The following MADD variants were observed in gnomAD, a reference collection of about 807,000 sequenced individuals.
The protein encoded by MADD is MAP kinase-activating death domain protein.
In MADD, 109 loss-of-function variants were observed where a neutral mutation model predicts 176.7. The observed-to-expected ratio is 0.62, with a 90% CI of 0.53 to 0.72. MADD has a LOEUF of 0.72. MADD is among the 30% of genes least tolerant of loss of function. The pLI, the probability that MADD is intolerant of heterozygous loss-of-function variation, is 0.00. For missense variants in MADD, 1,914 were observed against 2,045.5 expected, an observed-to-expected ratio of 0.94 and a Z score of 1.24; for synonymous variants, 771 against 771.3, an observed-to-expected ratio of 1.00 and a Z score of 0.01.
exon 22 of MADD, chr11:47,295,897 G>A: frequency 2.5e-6 from 4 of 1,607,662 alleles, no homozygotes; most frequent in Non-Finnish European, 2.5e-6. Context: ...TCCTTTCCAG[G>A]TGAGTAATAG....
intron 23 of MADD, 50 bp from the exon 26 acceptor site, chr11:47,308,930 C>T: frequency 1.3e-6 from 2 of 1,556,032 alleles, no homozygotes; most frequent in Admixed American, 3.4e-5. Flanking sequence ...TTCTGTCTTC[C>T]TTTCTTTCCT....
At chr11:47,305,473 G>A (rs1366017737) in intron 22 of MADD, among the ~76,000 whole-genome samples, 1 of 152,098 alleles carries the variant, frequency 6.6e-6, no homozygotes, top group Non-Finnish European at 1.5e-5. Flanking sequence ...GGAAGAAGGG[G>A]TGCTCTGGAG....
chr11:47,289,602 A>G (rs2063507002), intron 16 of MADD, 109 bp downstream of exon 17: 1 of 931,660 alleles, frequency 1.1e-6, no homozygotes, highest in Non-Finnish European at 1.7e-6. Flanking sequence ...AATGGGGTAG[A>G]TGTAATCAAT....
chr11:47,286,109 C>A (rs1351002781), intron 14 of MADD, among the ~76,000 whole-genome samples: 1 of 152,166 alleles, frequency 6.6e-6, no homozygotes, highest in Non-Finnish European at 1.5e-5. Context: ...TCTTCAGCAG[C>A]CAGGGAGGGA....
upstream of MADD, chr11:47,269,938 A>G (rs997877490): frequency 1.3e-5 from 2 of 152,028 alleles, no homozygotes; most frequent in African/African-American, 4.8e-5. Context: ...TTGGCACGCG[A>G]CGGCGCTGGG....
chr11:47,280,228 G>A (rs543999812), intron 7 of MADD, among the ~76,000 whole-genome samples: 42 of 152,298 alleles, frequency 2.8e-4, no homozygotes, highest in African/African-American at 9.6e-4. Flanking sequence ...AGGAACACCA[G>A]TAGATAACAC....
At chr11:47,306,667 A>T (rs1312713868) in intron 22 of MADD, among the ~76,000 whole-genome samples, 1 of 151,864 alleles carries the variant, frequency 6.6e-6, no homozygotes, top group Non-Finnish European at 1.5e-5. Flanking sequence ...TGATATTGCC[A>T]TCTGTTCTCT....
chr11:47,296,098 G>T, intron 22 of MADD, 43 bp downstream of exon 24: 1 of 1,595,942 alleles, frequency 6.3e-7, no homozygotes, highest in Non-Finnish European at 8.6e-7. Context: ...TTCTTTAATG[G>T]GGGAGGGAAG....
rs1050872301 is a variant in MADD at position 47,326,513 on chromosome 11, A to G, written c.4543-225A>G. ...TTTGACCATTCAAACTAACGCCTTCATTTCTCTCCCATGCTTTCTCCTCCG... is the reference window on the plus strand; with the variant it reads ...TTTGACCATTCAAACTAACGCCTTCGTTTCTCTCCCATGCTTTCTCCTCCG... On this transcript the variant is annotated intron_variant, in intron 30 of 32. Transcript: ENST00000402192. 12 of 1,360,984 alleles carry G rather than the reference A, an allele frequency of 8.8e-6. No homozygotes were observed. In the Admixed American group the frequency reaches 2.8e-4, roughly 32 times the overall value. The allele number at this position is 1,360,984 out of a possible 1,614,324, so 84.3% of individuals were successfully genotyped here.
At chr11:47,321,521 A>T (rs1043312777) in intron 27 of MADD, among the ~76,000 whole-genome samples, 1 of 152,206 alleles carries the variant, frequency 6.6e-6, no homozygotes, top group Admixed American at 6.5e-5. Context: ...TGCCCTTAGC[A>T]TTGACAAGCT....
exon 3 of MADD, chr11:47,274,686 G>C: frequency 1.2e-6 from 2 of 1,614,226 alleles, no homozygotes; most frequent in Non-Finnish European, 8.5e-7. Context: ...AGGGCTGCCT[G>C]AGCGTGCGGC....
Position 47,279,096 on chromosome 11 carries a change from G to GGAAA in MADD, c.1290+23_1290+26dup. On this transcript the variant is annotated intron_variant, in intron 7 of 32. Coordinates refer to ENST00000402192, the Ensembl canonical transcript of MADD. Reference sequence around the variant, plus strand: ...TTAAAGCAGGTAGGTGAAGAACGAAGGAAAGAAAGGGGAGTATTAGATGCT... The same window carrying GGAAA: ...TTAAAGCAGGTAGGTGAAGAACGAAGGAAAGAAAGAAAGGGGAGTATTAGATGCT... The GGAAA allele has an allele frequency of 6.2e-7, 1 of 1,610,334 alleles. No homozygotes were observed.
intron 15 of MADD, 106 bp downstream of exon 16, chr11:47,289,133 G>T: frequency 8.7e-7 from 1 of 1,152,580 alleles, no homozygotes; most frequent in South Asian, 1.5e-5. Flanking sequence ...TCACATGAGT[G>T]ACCTGCTTGC....
In MADD at chr11:47,309,155, TTG is replaced by T. The variant is rs1028542119; in HGVS notation, c.3752-122_3752-121del. Reference sequence around the variant, plus strand: ...GCATGTTAGATCTGGGGTAGAAAGATTGTGTTTCCTTTGCCCTGGAATTTGTA... The same window carrying T: ...GCATGTTAGATCTGGGGTAGAAAGATTGTTTCCTTTGCCCTGGAATTTGTA... On this transcript the variant is annotated intron_variant, in intron 23 of 32. Coordinates refer to ENST00000402192, the Ensembl canonical transcript of MADD. The T allele has an allele frequency of 6.5e-6, 10 of 1,547,084 alleles. No homozygotes were observed. In the African/African-American group the frequency reaches 1.2e-4, roughly 19 times the overall value.
At chr11:47,309,374 A>G (rs1313176359) in exon 24 of MADD, 1 of 1,614,184 alleles carries the variant, frequency 6.2e-7, no homozygotes, top group Non-Finnish European at 8.5e-7. Context: ...ATGGGTATGG[A>G]CCAGGGTCCC....
chr11:47,274,082 C>T (rs1008245989), intron 2 of MADD, 106 bp downstream of exon 2: 4 of 1,090,610 alleles, frequency 3.7e-6, no homozygotes, highest in Non-Finnish European at 5.5e-6. Context: ...CTCATCTTCT[C>T]CTGTTATTTT....
In MADD at chr11:47,290,476, A is replaced by G. The variant is rs952939914; in HGVS notation, c.3095-134A>G. 6 of 1,259,298 alleles carry G rather than the reference A, an allele frequency of 4.8e-6. No individual in the cohort carries two copies. The African/African-American group carries it at 9.0e-5, about 19-fold the overall frequency. The allele number at this position is 1,259,298 out of a possible 1,614,324, so 78.0% of individuals were successfully genotyped here. On this transcript the variant is annotated intron_variant, in intron 18 of 32. Coordinates refer to ENST00000402192, the Ensembl canonical transcript of MADD. Reference sequence around the variant, plus strand: ...GCAGTGGGTATTCTTTGTTACGAAAAATAAGACATCAGCTCATCTTTCCTT... The same window carrying G: ...GCAGTGGGTATTCTTTGTTACGAAAGATAAGACATCAGCTCATCTTTCCTT...
At chr11:47,273,378 AC>A (rs2046659156) in intron 1 of MADD, among the ~76,000 whole-genome samples, 1 of 151,522 alleles carries the variant, frequency 6.6e-6, no homozygotes, top group Admixed American at 6.6e-5. Flanking sequence ...TCACTCTGTC[AC>A]CCAGGCTCGA....
chr11:47,319,678 G>A (rs543660009), intron 27 of MADD, among the ~76,000 whole-genome samples: 1 of 152,102 alleles, frequency 6.6e-6, no homozygotes, highest in African/African-American at 2.4e-5. Context: ...TTGCACTTAC[G>A]AAAGTGGTAT....
Sources: allele counts gnomAD v4.1 joint callset (sites outside exome capture counted in the v4.1 genomes callset), GRCh38; gene constraint gnomAD v4.1.1; transcripts MANE v1.5; gene names NCBI Gene and HGNC (gene_info 2026-07-23, HGNC 2026-07-21).